The following ITGA1 variants were observed in gnomAD, a reference collection of about 807,000 sequenced individuals.
ITGA1 encodes integrin alpha-1.
A neutral mutation model predicts 145.9 loss-of-function variants in ITGA1; 85 were observed. The ratio of observed to expected loss-of-function variants is 0.58; its 90% CI spans 0.49 to 0.70. The LOEUF (loss-of-function observed/expected upper bound fraction) is 0.70. Ranked by LOEUF, ITGA1 falls within the 30% of genes least tolerant of loss-of-function variation. ITGA1 has a pLI of 0.00. For missense variants in ITGA1, 1,351 were observed against 1,418.7 expected (o/e 0.95, Z 0.77); for synonymous variants, 520 against 495.3 (o/e 1.05, Z -0.66).
At chr5:52,882,167 G>T (rs1345886410) in intron 7 of ITGA1, 146 bp downstream of exon 7, 7 of 639,782 alleles carry the variant, frequency 1.1e-5, no homozygotes, top group Non-Finnish European at 1.8e-5. Context: ...TTAAATAATG[G>T]TTACAAGATC....
chr5:52,819,275 T>C (rs1358226599), intron 1 of ITGA1, among the ~76,000 whole-genome samples: 1 of 152,164 alleles, frequency 6.6e-6, no homozygotes, highest in Non-Finnish European at 1.5e-5. Flanking sequence ...AGTGTAAAAG[T>C]GTTCCTATTT....
At chr5:52,831,048 A>G (rs945765706) in intron 1 of ITGA1, among the ~76,000 whole-genome samples, 1 of 152,172 alleles carries the variant, frequency 6.6e-6, no homozygotes, top group Non-Finnish European at 1.5e-5. Context: ...TGCTTTTAAC[A>G]CAGAGAGTTT....
At chr5:52,850,194 G>T (rs902458225) in intron 2 of ITGA1, among the ~76,000 whole-genome samples, 1 of 151,904 alleles carries the variant, frequency 6.6e-6, no homozygotes, top group Non-Finnish European at 1.5e-5. Flanking sequence ...TAGAGACACG[G>T]TTTCACCATG....
intron 16 of ITGA1, 69 bp downstream of exon 16, chr5:52,918,967 C>A (rs1224017141): frequency 6.3e-6 from 8 of 1,279,916 alleles, no homozygotes; most frequent in African/African-American, 1.5e-5. Flanking sequence ...ATGATGAAGT[C>A]CAGTAGGATA....
intron 6 of ITGA1, among the ~76,000 whole-genome samples, chr5:52,876,702 A>G (rs1579691780): frequency 1.3e-5 from 2 of 152,192 alleles, no homozygotes; most frequent in African/African-American, 4.8e-5. Context: ...ATCAAAAGCC[A>G]TGACATAGTC....
intron 1 of ITGA1, among the ~76,000 whole-genome samples, chr5:52,794,105 G>T (rs1748293378): frequency 6.6e-6 from 1 of 151,930 alleles, no homozygotes; most frequent in African/African-American, 2.4e-5. Flanking sequence ...CCAAACAGGA[G>T]ATCCCTATTA....
In ITGA1 at chr5:52,788,328, C is replaced by G; in HGVS notation, c.-26C>G. ...GTCCTGCCCTGCGAACCAGCGCGGC[C>G]CCCTGGCGCTGAGGCTGCTCCGGCC... On this transcript the variant is annotated 5_prime_UTR_variant, in exon 1 of 29. Coordinates refer to ENST00000282588, the MANE Select transcript of ITGA1 (RefSeq NM_181501.2). 6.7e-7 allele frequency: 1 copy of G among 1,491,296 alleles called. No homozygotes were observed. Among genetic ancestry groups the G allele is most frequent in the Non-Finnish European group, 8.9e-7 (1 of 1,126,344 alleles). The allele number at this position is 1,491,296 out of a possible 1,614,324, so 92.4% of individuals were successfully genotyped here. A position where few individuals can be genotyped will look rare whatever the true frequency, so the allele number is the denominator to read the frequency against.
intron 1 of ITGA1, among the ~76,000 whole-genome samples, chr5:52,789,789 G>A (rs2111636548): frequency 6.6e-6 from 1 of 152,274 alleles, no homozygotes; most frequent in Middle Eastern, 3.4e-3. Context: ...TATCCAAGTT[G>A]TACTTTTTCA....
intron 13 of ITGA1, 126 bp downstream of exon 13, chr5:52,909,167 A>C (rs1750459406): frequency 1.1e-5 from 10 of 889,378 alleles, no homozygotes; most frequent in Non-Finnish European, 1.7e-5. Flanking sequence ...GGATTCATTC[A>C]CTCCACCAAC....
chr5:52,809,311 A>G (rs1178014382), intron 1 of ITGA1, among the ~76,000 whole-genome samples: 1 of 152,144 alleles, frequency 6.6e-6, no homozygotes, highest in African/African-American at 2.4e-5. Context: ...GTAAAGCAGT[A>G]GTAATAGCAG....
intron 1 of ITGA1, among the ~76,000 whole-genome samples, chr5:52,834,971 TAGA>T (rs979481143): frequency 6.6e-6 from 1 of 152,086 alleles, no homozygotes; most frequent in Admixed American, 6.6e-5. Context: ...AGAAGAAAGG[TAGA>T]AGAAGGATAA....
intron 2 of ITGA1, among the ~76,000 whole-genome samples, chr5:52,850,749 T>C (rs958677983): frequency 3.3e-5 from 5 of 152,166 alleles, no homozygotes; most frequent in Non-Finnish European, 5.9e-5. Flanking sequence ...TACAAATATC[T>C]CAGATGACAA....
chr5:52,910,091 A>G, intron 13 of ITGA1, 71 bp from the exon 14 acceptor site: 2 of 1,414,110 alleles, frequency 1.4e-6, no homozygotes, highest in Non-Finnish European at 1.9e-6. Flanking sequence ...CTGATTTAGT[A>G]TACTTTAAAA....
intron 1 of ITGA1, among the ~76,000 whole-genome samples, chr5:52,822,438 A>G (rs1748893804): frequency 6.6e-6 from 1 of 152,202 alleles, no homozygotes; most frequent in African/African-American, 2.4e-5. Context: ...TGATTCAGGG[A>G]CACTTCCGTT....
chr5:52,860,460 C>T (rs1185628191), intron 2 of ITGA1, among the ~76,000 whole-genome samples: 16 of 152,280 alleles, frequency 1.1e-4, no homozygotes, highest in East Asian at 1.9e-4. Context: ...GCAGGAGAAT[C>T]GCTTGGACCC....
intron 1 of ITGA1, among the ~76,000 whole-genome samples, chr5:52,823,612 A>G (rs1287225576): frequency 6.6e-6 from 1 of 152,148 alleles, no homozygotes; most frequent in Non-Finnish European, 1.5e-5. Flanking sequence ...AACTCCTAAG[A>G]TCTTGTCACA....
intron 1 of ITGA1, among the ~76,000 whole-genome samples, chr5:52,806,624 C>T (rs1197671422): frequency 6.6e-6 from 1 of 151,976 alleles, no homozygotes; most frequent in South Asian, 2.1e-4. Context: ...ATATATATCA[C>T]CATCTGTATT....
intron 12 of ITGA1, among the ~76,000 whole-genome samples, chr5:52,907,618 G>A (rs911347556): frequency 6.6e-6 from 1 of 152,140 alleles, no homozygotes; most frequent in Non-Finnish European, 1.5e-5. Flanking sequence ...AATGACGTTT[G>A]GCTTTTAGAC....
At chr5:52,847,544 TTTTG>T (rs149706530) in intron 1 of ITGA1, among the ~76,000 whole-genome samples, 41,470 of 151,586 alleles carry the variant, frequency 0.27, 5,922 homozygotes, top group South Asian at 0.39. Context: ...TTGGAAATAA[TTTTG>T]TTTGTTTGTT....
Sources: allele counts gnomAD v4.1 joint callset (sites outside exome capture counted in the v4.1 genomes callset), GRCh38; gene constraint gnomAD v4.1.1; transcripts MANE v1.5; gene names NCBI Gene and HGNC (gene_info 2026-07-23, HGNC 2026-07-21).